Variants in ITPR2 observed in about 807,000 individuals in gnomAD.
ITPR2 encodes the protein inositol 1,4,5-trisphosphate-gated calcium channel ITPR2.
ITPR2 carries 207 observed loss-of-function variants against 317.1 expected under a neutral mutation model. The observed-to-expected ratio is 0.65, with a 90% CI of 0.58 to 0.73. ITPR2 has a LOEUF of 0.73. ITPR2 is among the 30% of genes least tolerant of loss of function. The pLI is 0.00. For synonymous variants in ITPR2, 1,156 were observed against 1,149.1 expected (o/e 1.01, Z -0.12); for missense variants, 2,613 against 3,284.0 (o/e 0.80, Z 4.99).
intron 48 of ITPR2, 73 bp downstream of exon 48, chr12:26,436,148 C>G (rs1166107599): frequency 1.6e-5 from 21 of 1,345,522 alleles, no homozygotes; most frequent in Non-Finnish European, 1.7e-5. Flanking sequence ...TGAAATTATT[C>G]TTATTTTGAA....
At chr12:26,351,080 G>A (rs1938467724) in intron 55 of ITPR2, among the ~76,000 whole-genome samples, 2 of 152,230 alleles carry the variant, frequency 1.3e-5, no homozygotes, top group African/African-American at 2.4e-5. Context: ...AGCACTGCTA[G>A]GGCAGTAACC....
intron 48 of ITPR2, among the ~76,000 whole-genome samples, chr12:26,428,776 C>T (rs1941132030): frequency 1.3e-5 from 2 of 152,070 alleles, no homozygotes; most frequent in Non-Finnish European, 1.5e-5. Flanking sequence ...AATATTTTTT[C>T]TTTAATAAGT....
intron 1 of ITPR2, among the ~76,000 whole-genome samples, chr12:26,828,424 A>G (rs1391769049): frequency 6.6e-6 from 1 of 152,240 alleles, no homozygotes; most frequent in Non-Finnish European, 1.5e-5. Context: ...TGTTCCCATG[A>G]GTTTTATAAT....
intron 37 of ITPR2, among the ~76,000 whole-genome samples, chr12:26,503,436 T>C (rs1943118627): frequency 6.6e-6 from 1 of 152,344 alleles, no homozygotes; most frequent in East Asian, 1.9e-4. Flanking sequence ...AGAGGAGTTC[T>C]ACATGGCACA....
intron 1 of ITPR2, among the ~76,000 whole-genome samples, chr12:26,818,327 T>A (rs1307522504): frequency 6.6e-6 from 1 of 152,224 alleles, no homozygotes; most frequent in Non-Finnish European, 1.5e-5. Flanking sequence ...GCTTTTACAT[T>A]TGCAATGTGA....
chr12:26,723,153 C>T (rs1948865455), intron 4 of ITPR2, among the ~76,000 whole-genome samples: 1 of 152,120 alleles, frequency 6.6e-6, no homozygotes, highest in South Asian at 2.1e-4. Flanking sequence ...CTTACAAAAA[C>T]ATGATTCTAC....
At chr12:26,387,628 C>G in intron 54 of ITPR2, 34 bp from the exon 55 acceptor site, 3 of 1,594,272 alleles carry the variant, frequency 1.9e-6, no homozygotes, top group African/African-American at 1.3e-5. Flanking sequence ...ATATGTAATT[C>G]GTCATTTAAT....
At chr12:26,825,941 A>G (rs1164224285) in intron 1 of ITPR2, among the ~76,000 whole-genome samples, 1 of 152,262 alleles carries the variant, frequency 6.6e-6, no homozygotes, top group Non-Finnish European at 1.5e-5. Flanking sequence ...TCACATTATC[A>G]TATGCCTTAG....
chr12:26,442,036 A>G (rs1166529846), intron 46 of ITPR2, among the ~76,000 whole-genome samples: 1 of 152,028 alleles, frequency 6.6e-6, no homozygotes, highest in African/African-American at 2.4e-5. Context: ...TGCCATTATA[A>G]TATCTTCCTA....
rs943916662 is a variant in ITPR2 at position 26,630,835 on chromosome 12, T to G, written c.2934+1031A>C. On this transcript the variant is annotated intron_variant, in intron 22 of 56. Transcript: ENST00000381340. The stretch of plus-strand genomic sequence containing the variant: ...CAGGTGATGGTAAGCTGGGGATCAG[T>G]AGGTCCATGGGTCAGGTGATCGCTA... The G allele has an allele frequency of 2.6e-5, 4 of 152,248 alleles. No individual in the cohort carries two copies. In the Middle Eastern group the frequency reaches 0.01, roughly 388 times the overall value. 9.4% of individuals were successfully genotyped at this position (152,248 alleles called of 1,614,324 possible). A position where few individuals can be genotyped will look rare whatever the true frequency, so the allele number is the denominator to read the frequency against.
At chr12:26,815,305 C>T (rs978482105) in intron 1 of ITPR2, among the ~76,000 whole-genome samples, 7 of 152,080 alleles carry the variant, frequency 4.6e-5, no homozygotes, top group African/African-American at 1.7e-4. Flanking sequence ...GCACTCTAGC[C>T]TGGGTGACAC....
At chr12:26,670,002 G>A (rs1053468560) in intron 13 of ITPR2, among the ~76,000 whole-genome samples, 2 of 152,170 alleles carry the variant, frequency 1.3e-5, no homozygotes, top group East Asian at 1.9e-4. Flanking sequence ...GGGGAGGGGT[G>A]CCCGCCATTG....
intron 6 of ITPR2, 142 bp from the exon 7 acceptor site, chr12:26,715,977 C>A (rs962939835): frequency 2.7e-6 from 2 of 732,218 alleles, no homozygotes; most frequent in Non-Finnish European, 4.6e-6. Context: ...TTTGAGAGAC[C>A]ATCCAAAAAT....
At chr12:26,695,996 A>C (rs1223997821) in intron 9 of ITPR2, among the ~76,000 whole-genome samples, 1 of 144,242 alleles carries the variant, frequency 6.9e-6, no homozygotes, top group Non-Finnish European at 1.5e-5. Flanking sequence ...CTCAGACACA[A>C]ATTAAACAAA....
At chr12:26,716,806 G>A (rs1358656245) in intron 5 of ITPR2, among the ~76,000 whole-genome samples, 1 of 152,042 alleles carries the variant, frequency 6.6e-6, no homozygotes, top group Non-Finnish European at 1.5e-5. Flanking sequence ...TTTGAGCCTT[G>A]GGCATCCGAT....
intron 47 of ITPR2, among the ~76,000 whole-genome samples, chr12:26,438,875 C>T (rs910955723): frequency 1.3e-5 from 2 of 152,174 alleles, no homozygotes; most frequent in African/African-American, 4.8e-5. Flanking sequence ...CATTTCATAA[C>T]ATTTATTTAA....
At chr12:26,385,051 T>A (rs1380776121) in intron 55 of ITPR2, among the ~76,000 whole-genome samples, 1 of 152,186 alleles carries the variant, frequency 6.6e-6, no homozygotes, top group African/African-American at 2.4e-5. Context: ...CTACACATCA[T>A]CTCACTGAGT....
At chr12:26,466,815 T>C (rs1942180988) in intron 45 of ITPR2, among the ~76,000 whole-genome samples, 1 of 152,212 alleles carries the variant, frequency 6.6e-6, no homozygotes, top group Non-Finnish European at 1.5e-5. Context: ...ATATTCTTGG[T>C]ACAACATTCT....
At chr12:26,614,897 G>T (rs534499293) in intron 26 of ITPR2, among the ~76,000 whole-genome samples, 1 of 152,268 alleles carries the variant, frequency 6.6e-6, no homozygotes, top group African/African-American at 2.4e-5. Context: ...TTATGCATTT[G>T]TCAAAACCCA....
Sources: allele counts gnomAD v4.1 joint callset (sites outside exome capture counted in the v4.1 genomes callset), GRCh38; gene constraint gnomAD v4.1.1; transcripts MANE v1.5; gene names NCBI Gene and HGNC (gene_info 2026-07-23, HGNC 2026-07-21).